TGIF1: variants seen among roughly 807,000 people sequenced by gnomAD.
The protein encoded by TGIF1 is TGFB induced factor homeobox 1.
Under a neutral mutation model 19.3 loss-of-function variants are expected in TGIF1, and 4 were observed. The observed-to-expected ratio is 0.21, with a 90% CI of 0.10 to 0.47. The LOEUF is 0.47. Ranked by LOEUF, TGIF1 falls within the 20% of genes least tolerant of loss-of-function variation. The probability of loss-of-function intolerance (pLI) is 0.98; values close to 1 mark genes in which losing one functional copy is unlikely to be tolerated. For missense variants in TGIF1, 275 were observed against 341.4 expected (o/e 0.81, Z 1.53); for synonymous variants, 122 against 129.3 (o/e 0.94, Z 0.38).
rs202029043 is a variant in TGIF1 at position 3,435,200 on chromosome 18, T to TA, written c.-45+16985_-45+16986insA. On this transcript the variant is annotated intron_variant, in intron 2 of 3. Coordinates refer to the TGIF1 transcript ENST00000401449. ...TTAATCTTTTAAAACCCTATATATA[T>TA]TTTTTTTTTTGAGATGGAGTCTTGC... is the stretch of plus-strand genomic sequence containing the variant. 2.8e-4 allele frequency among the ~76,000 whole-genome samples: 42 copies of TA among 147,748 alleles called. 1 individual carries two copies. Among genetic ancestry groups the TA allele is most frequent in the South Asian group, 2.2e-3 (10 of 4,640 alleles).
chr18:3,449,257 G>GTAGA (rs2082821135), upstream of TGIF1, among the ~76,000 whole-genome samples: 1 of 152,180 alleles, frequency 6.6e-6, no homozygotes, highest in South Asian at 2.1e-4. Context: ...AATCCGAAGA[G>GTAGA]TAGACACTGT....
chr18:3,422,677 T>A lies in TGIF1; in HGVS notation c.-45+4462T>A, dbSNP rs2082417400. Among the ~76,000 whole-genome samples, 9 of 26,300 alleles carry A rather than the reference T, an allele frequency of 3.4e-4. No homozygotes were observed. In the East Asian group the frequency reaches 5.4e-3, roughly 16 times the overall value. 17.3% of individuals were successfully genotyped at this position (26,300 alleles called of 152,430 possible). A position where few individuals can be genotyped will look rare whatever the true frequency, so the allele number is the denominator to read the frequency against. ...TAAGTGCCCTATATAGGTGGCCTTT[T>A]TTTTTTTTTTTTTTTTTTTTTTTTT... On this transcript the variant is annotated intron_variant, in intron 2 of 3. Transcript: ENST00000401449.
chr18:3,419,988 G>A (rs548077768), intron 2 of TGIF1, among the ~76,000 whole-genome samples: 9 of 149,106 alleles, frequency 6.0e-5, no homozygotes, highest in African/African-American at 1.2e-4. Flanking sequence ...CCTGGGTAAC[G>A]GGGCAAGACT....
chr18:3,451,592 C>G lies in TGIF1; in HGVS notation c.16+1087C>G. 9.6e-7 allele frequency: 1 copy of G among 1,045,330 alleles called. No homozygotes were observed. The highest frequency in any genetic ancestry group is 1.1e-6 in the Non-Finnish European group (1 of 869,722). 64.8% of individuals were successfully genotyped at this position (1,045,330 alleles called of 1,614,324 possible). On this transcript the variant is annotated intron_variant, in intron 1 of 2. Transcript: ENST00000343820. This position sits in a 1 kb window ranked among gnomAD's most constrained non-coding sequence, Gnocchi z 5.4. ...GGGAGCCGCCTGGAGTTTGGAACTC[C>G]ACATTCTTTCAGACCCGGCCCGCTG...
At chr18:3,448,136 C>T, upstream of TGIF1, 2 of 984,912 alleles carry the variant, frequency 2.0e-6, no homozygotes, top group Non-Finnish European at 2.4e-6. Context: ...CGAAAGCGGC[C>T]GAGGCAGCCG....
rs1316943797 is a variant in TGIF1 at position 3,459,119 on chromosome 18, G to A, written c.*1179G>A. On this transcript the variant is annotated 3_prime_UTR_variant, in exon 3 of 3. Transcript: ENST00000343820. ...CTCCTTTCACTTGTATGGTTGAGCA[G>A]ATTTGTCACATGCCACAAAACCATT... is the stretch of plus-strand genomic sequence containing the variant. The A allele has an allele frequency of 6.6e-6, 1 of 152,170 alleles. No homozygotes were observed. Among genetic ancestry groups the A allele is most frequent in the Admixed American group, 6.5e-5 (1 of 15,276 alleles). The allele number at this position is 152,170 out of a possible 1,614,324, so 9.4% of individuals were successfully genotyped here. A position where few individuals can be genotyped will look rare whatever the true frequency, so the allele number is the denominator to read the frequency against.
At chr18:3,413,237 G>A (rs569275666) in intron 1 of TGIF1, among the ~76,000 whole-genome samples, 1 of 152,190 alleles carries the variant, frequency 6.6e-6, no homozygotes, top group South Asian at 2.1e-4. Context: ...TTAAATTCAC[G>A]GAACTGTTTT....
At chr18:3,449,773 C>T (rs2082841116), upstream of TGIF1, 1 of 985,478 alleles carries the variant, frequency 1.0e-6, no homozygotes. Flanking sequence ...AAAAACGAGA[C>T]GGGGAGGCTT....
At chr18:3,450,125 T>G (rs1194127486), upstream of TGIF1, 20 of 911,594 alleles carry the variant, frequency 2.2e-5, no homozygotes, top group Admixed American at 4.9e-5. Context: ...GGCGGGCGGC[T>G]GGGGGCGGAG....
Position 3,457,938 on chromosome 18 carries a change from TAAC to T in TGIF1, c.818_*1del. On this transcript the variant is annotated stop_lost and 3_prime_UTR_variant, in exon 3 of 3. Transcript: ENST00000343820. The surrounding 1 kb of genome is among the most constrained non-coding windows in gnomAD (Gnocchi z 4.9). ...GGAGCTTCAGGCAAAACTTACAGCT[TAAC>T]CCATTTTCAAGCAAAACAGTTCTCA... 6.3e-7 allele frequency: 1 copy of T among 1,599,960 alleles called. No individual in the cohort carries two copies. The highest frequency in any genetic ancestry group is 8.5e-7 in the Non-Finnish European group (1 of 1,179,852).
intron 2 of TGIF1, among the ~76,000 whole-genome samples, chr18:3,426,209 C>A (rs1322194664): frequency 3.0e-5 from 4 of 133,578 alleles, no homozygotes; most frequent in Non-Finnish European, 6.1e-5. Flanking sequence ...TGCTCTGTTG[C>A]CCAGGCTGGA....
intron 2 of TGIF1, among the ~76,000 whole-genome samples, chr18:3,432,071 T>C (rs1598869812): frequency 7.2e-6 from 1 of 139,120 alleles, no homozygotes; most frequent in East Asian, 2.1e-4. Context: ...GAGATTACAG[T>C]GAGCCGAGAT....
At chr18:3,447,859 C>T, upstream of TGIF1, 1 of 1,584,878 alleles carries the variant, frequency 6.3e-7, no homozygotes, top group Non-Finnish European at 8.7e-7. Flanking sequence ...ATTGTCTCCG[C>T]CCCTCCCCCC....
chr18:3,414,062 CTAAT>C (rs1159421675), intron 1 of TGIF1, among the ~76,000 whole-genome samples: 1 of 152,166 alleles, frequency 6.6e-6, no homozygotes, highest in Non-Finnish European at 1.5e-5. Context: ...TTACTAAGCA[CTAAT>C]TAATTCTCTT....
intron 2 of TGIF1, among the ~76,000 whole-genome samples, chr18:3,431,354 TGAACCCGGGAGGTG>T (rs1462912061): frequency 6.6e-6 from 1 of 152,104 alleles, no homozygotes; most frequent in Non-Finnish European, 1.5e-5. Flanking sequence ...GGCTAAGGCT[TGAACCCGGGAGGTG>T]GAGGTCGTAG....
At position 3,419,433 on chromosome 18, in the gene TGIF1, A is replaced by G. The variant is rs146011846; in HGVS notation, c.-45+1218A>G. On this transcript the variant is annotated intron_variant, in intron 2 of 3. Coordinates refer to the TGIF1 transcript ENST00000401449. ...TTCAGCAACCAGAACTGCAAACCAT[A>G]CACCACATATAGAAGACACCACGCT... Among the ~76,000 whole-genome samples the G allele has an allele frequency of 1.5e-3, 225 of 152,312 alleles. 3 individuals are homozygous for G. Among genetic ancestry groups the G allele is most frequent in the African/African-American group, 5.2e-3 (217 of 41,562 alleles).
At chr18:3,442,735 A>C (rs2082690752) in intron 2 of TGIF1, among the ~76,000 whole-genome samples, 1 of 152,158 alleles carries the variant, frequency 6.6e-6, no homozygotes, top group African/African-American at 2.4e-5. Context: ...TTATTAAATA[A>C]ATAAAAAATC....
At chr18:3,414,824 C>A (rs1418285639) in intron 1 of TGIF1, among the ~76,000 whole-genome samples, 2 of 152,116 alleles carry the variant, frequency 1.3e-5, no homozygotes, top group African/African-American at 4.8e-5. Context: ...ATCAGAGGAT[C>A]ACTTGAACCA....
rs1248423071 is a variant in TGIF1 at position 3,458,085 on chromosome 18, T to C, written c.*145T>C. The C allele has an allele frequency of 2.9e-6, 2 of 698,914 alleles. No homozygotes were observed. The highest frequency in any genetic ancestry group is 4.8e-6 in the Non-Finnish European group (2 of 415,200). 43.3% of individuals were successfully genotyped at this position (698,914 alleles called of 1,614,324 possible). A position where few individuals can be genotyped will look rare whatever the true frequency, so the allele number is the denominator to read the frequency against. ...CTTCCTGTTACTGAGATGTCTTCAATGGAATACAGTCATTCCAAGAACTAT... is the reference window on the plus strand; with the variant it reads ...CTTCCTGTTACTGAGATGTCTTCAACGGAATACAGTCATTCCAAGAACTAT... On this transcript the variant is annotated 3_prime_UTR_variant, in exon 3 of 3. Coordinates refer to ENST00000343820, the MANE Select transcript of TGIF1 (RefSeq NM_003244.4).
Sources: gnomAD v4.1 joint callset for allele counts (sites outside exome capture counted in the v4.1 genomes callset) on GRCh38, gnomAD v4.1.1 for gene constraint, Gnocchi (gnomAD v3.1) non-coding constraint, MANE v1.5 for transcripts, NCBI Gene and HGNC (gene_info 2026-07-23, HGNC 2026-07-21) for gene names.